Variants in FOXP1 observed in about 807,000 individuals in gnomAD.
FOXP1 encodes forkhead box P1, also known as forkhead box protein P1.
Under a neutral mutation model 98.2 loss-of-function variants are expected in FOXP1, and 15 were observed. The observed-to-expected ratio is 0.15, with a 90% confidence interval of 0.10 to 0.24. The LOEUF (loss-of-function observed/expected upper bound fraction) is 0.24, where lower values mean the gene tolerates loss of function less well. FOXP1 is among the 10% of genes least tolerant of loss of function. The pLI, the probability that FOXP1 is intolerant of heterozygous loss-of-function variation, is 1.00. For synonymous variants in FOXP1, 371 were observed against 314.5 expected, an observed-to-expected ratio of 1.18 and a Z score of -1.90; for missense variants, 633 against 848.5, an observed-to-expected ratio of 0.75 and a Z score of 3.15.
At position 70,955,230 on chromosome 3, in the gene FOXP1, A is replaced by AG. The variant is rs1320894495; in HGVS notation, c.*4016dup. ...TTTTTTAACTCTATTTTTTTTCATGAGGAAAAAAAAGCTAGTGATTTACAG... is the reference window on the plus strand; with the variant it reads ...TTTTTTAACTCTATTTTTTTTCATGAGGGAAAAAAAAGCTAGTGATTTACAG... On this transcript the variant is annotated 3_prime_UTR_variant, in exon 21 of 21. Transcript: ENST00000649528. 1 of 232,462 alleles carries AG rather than the reference A, an allele frequency of 4.3e-6. No individual in the cohort carries two copies. 14.4% of individuals were successfully genotyped at this position (232,462 alleles called of 1,614,324 possible).
chr3:71,070,114 G>A (rs1255686195), intron 7 of FOXP1, among the ~76,000 whole-genome samples: 1 of 152,184 alleles, frequency 6.6e-6, no homozygotes, highest in Non-Finnish European at 1.5e-5. Context: ...AACTTTTAAA[G>A]CCAGACAGAG....
chr3:71,554,126 T>C (rs569063083), intron 2 of FOXP1, among the ~76,000 whole-genome samples: 27 of 152,256 alleles, frequency 1.8e-4, no homozygotes, highest in Admixed American at 2.0e-4. Context: ...GACAGGAAGA[T>C]TACTTGAGAC....
Position 71,338,763 on chromosome 3 carries a change from GA to G in FOXP1, c.-73+20386del, listed in dbSNP as rs1338215593. 5.9e-5 allele frequency among the ~76,000 whole-genome samples: 9 copies of G among 151,612 alleles called. No homozygotes were observed. In the East Asian group the frequency reaches 7.7e-4, roughly 13 times the overall value. ...TATAATGGATATAAAAACATAATGA[GA>G]AAAAAAATAGGACTACAGAACTTGC... On this transcript the variant is annotated intron_variant, in intron 4 of 20. Transcript: ENST00000649528.
At chr3:71,504,422 C>A (rs1413210167) in intron 2 of FOXP1, among the ~76,000 whole-genome samples, 1 of 152,204 alleles carries the variant, frequency 6.6e-6, no homozygotes. Flanking sequence ...CAGCCACGCT[C>A]ATCTGACCCA....
chr3:70,988,221 G>C (rs1444635562), intron 13 of FOXP1, 144 bp from the exon 14 acceptor site: 5 of 812,126 alleles, frequency 6.2e-6, no homozygotes, highest in Non-Finnish European at 1.0e-5. Flanking sequence ...AAATCTACAT[G>C]ACCATTGCCA....
intron 2 of FOXP1, among the ~76,000 whole-genome samples, chr3:71,552,608 T>C (rs1337309917): frequency 4.6e-5 from 7 of 151,842 alleles, no homozygotes; most frequent in Non-Finnish European, 7.4e-5. Context: ...AAATAAAAAG[T>C]TTTAAAGTCA....
chr3:71,396,964 G>GTGTATATATATATATATACACATATATA (rs1560424396), intron 3 of FOXP1, among the ~76,000 whole-genome samples: 1 of 15,602 alleles, frequency 6.4e-5, no homozygotes, highest in Non-Finnish European at 2.0e-4. Flanking sequence ...ATATATATAT[G>GTGTATATATATATATATACACATATATA]TGTGTATATA....
intron 2 of FOXP1, among the ~76,000 whole-genome samples, chr3:71,512,244 C>T (rs1019219274): frequency 2.0e-5 from 3 of 152,058 alleles, no homozygotes; most frequent in Admixed American, 6.5e-5. Flanking sequence ...TAGGGCCTGG[C>T]GAAGGGTAGG....
chr3:71,161,618 T>C (rs1330511559), intron 6 of FOXP1, among the ~76,000 whole-genome samples: 1 of 152,230 alleles, frequency 6.6e-6, no homozygotes, highest in Non-Finnish European at 1.5e-5. Context: ...TGGAAAAGAA[T>C]GTGTGGCCAC....
At chr3:71,273,474 G>T (rs960876190) in intron 5 of FOXP1, among the ~76,000 whole-genome samples, 2 of 152,200 alleles carry the variant, frequency 1.3e-5, no homozygotes, top group African/African-American at 4.8e-5. Context: ...TGCCTTGGCA[G>T]GTTCAAGACT....
rs140752995 is a variant in FOXP1 at position 71,306,497 on chromosome 3, CTCTGTACCTACAAAGA to C, written c.-72-6633_-72-6618del. ...TCACATTGTAAGTTGATACTTGTGACTCTGTACCTACAAAGATCTGTTTGATATATGCATATAAAGT... is the reference window on the plus strand; with the variant it reads ...TCACATTGTAAGTTGATACTTGTGACTCTGTTTGATATATGCATATAAAGT... On this transcript the variant is annotated intron_variant, in intron 4 of 20. Coordinates refer to ENST00000649528, the MANE Select transcript of FOXP1 (RefSeq NM_001349338.3). 7.0e-3 allele frequency among the ~76,000 whole-genome samples: 1,070 copies of C among 152,078 alleles called. 20 individuals are homozygous for C. The highest frequency in any genetic ancestry group is 0.025 in the African/African-American group (1,026 of 41,462).
At chr3:71,198,438 A>C in intron 5 of FOXP1, 46 bp from the exon 6 acceptor site, 1 of 1,281,960 alleles carries the variant, frequency 7.8e-7, no homozygotes, top group Non-Finnish European at 1.1e-6. Flanking sequence ...GGGGGAGAAA[A>C]AAAAAGCAGC....
intron 2 of FOXP1, among the ~76,000 whole-genome samples, chr3:71,519,574 C>T (rs1054296851): frequency 6.6e-6 from 1 of 152,186 alleles, no homozygotes; most frequent in African/African-American, 2.4e-5. Flanking sequence ...GCATTGTCTT[C>T]CCATCACTTC....
At chr3:71,145,760 C>T (rs1430985937) in intron 6 of FOXP1, among the ~76,000 whole-genome samples, 1 of 152,076 alleles carries the variant, frequency 6.6e-6, no homozygotes, top group African/African-American at 2.4e-5. Flanking sequence ...AGTTGCATTT[C>T]CCTAATGTCT....
chr3:71,409,438 A>G (rs1293864412), intron 3 of FOXP1, among the ~76,000 whole-genome samples: 8 of 152,208 alleles, frequency 5.3e-5, no homozygotes, highest in Admixed American at 5.2e-4. Context: ...AGGAGAATGA[A>G]TGAATGAATA....
At chr3:71,363,056 A>G (rs2078678429) in intron 3 of FOXP1, among the ~76,000 whole-genome samples, 2 of 152,030 alleles carry the variant, frequency 1.3e-5, no homozygotes, top group South Asian at 4.1e-4. Context: ...GGTGTGATAA[A>G]TTTTGTCCTT....
At chr3:71,446,857 T>C (rs6771130) in intron 3 of FOXP1, among the ~76,000 whole-genome samples, 59,638 of 152,214 alleles carry the variant, frequency 0.39, 11,998 homozygotes, top group Non-Finnish European at 0.43. Context: ...TATGTCTACA[T>C]ACTTGTGTAT....
intron 6 of FOXP1, among the ~76,000 whole-genome samples, chr3:71,130,210 C>G (rs1166945977): frequency 6.6e-6 from 1 of 152,096 alleles, no homozygotes; most frequent in Non-Finnish European, 1.5e-5. Flanking sequence ...TACGTTTAGC[C>G]TATAAAACTA....
intron 3 of FOXP1, among the ~76,000 whole-genome samples, chr3:71,371,413 ATCCATTCCCCAG>A (rs2079304650): frequency 6.6e-6 from 1 of 152,132 alleles, no homozygotes. Flanking sequence ...TGACACCGCA[ATCCATTCCCCAG>A]TCCACGTGGT....
Sources: gnomAD v4.1 joint callset for allele counts (sites outside exome capture counted in the v4.1 genomes callset) on GRCh38, gnomAD v4.1.1 for gene constraint, MANE v1.5 for transcripts, NCBI Gene and HGNC (gene_info 2026-07-23, HGNC 2026-07-21) for gene names.